Variants in ATP13A4 observed in about 807,000 individuals in gnomAD.
ATP13A4 encodes probable cation-transporting ATPase 13A4.
ATP13A4 carries 114 observed loss-of-function variants against 142.5 expected under a neutral mutation model. That is an observed-to-expected ratio of 0.80 (90% CI 0.69 to 0.93). ATP13A4 has a LOEUF of 0.93. ATP13A4 is among the 40% of genes least tolerant of loss of function. The probability of loss-of-function intolerance (pLI) is 0.00; values close to 1 mark genes in which losing one functional copy is unlikely to be tolerated. For missense variants in ATP13A4, 1,392 were observed against 1,454.0 expected, an observed-to-expected ratio of 0.96 and a Z score of 0.69; for synonymous variants, 488 against 514.8, an observed-to-expected ratio of 0.95 and a Z score of 0.70.
intron 21 of ATP13A4, 78 bp from the exon 22 acceptor site, chr3:193,439,143 C>G: frequency 7.2e-7 from 1 of 1,394,232 alleles, no homozygotes; most frequent in Non-Finnish European, 1.0e-6. Context: ...ACAAAGTAAC[C>G]ATCATTACTT....
Position 193,554,602 on chromosome 3 carries a change from G to A in ATP13A4, c.60+138C>T, listed in dbSNP as rs949939454. 1.0e-4 allele frequency: 114 copies of A among 1,089,600 alleles called. No individual in the cohort carries two copies. In the Admixed American group the frequency reaches 1.6e-3, roughly 15 times the overall value. The allele number at this position is 1,089,600 out of a possible 1,614,324, so 67.5% of individuals were successfully genotyped here. A position where few individuals can be genotyped will look rare whatever the true frequency, so the allele number is the denominator to read the frequency against. ...GATTTCTCAAACATGACCTTTTCTC[G>A]TGTAATACCAGAGTGAAATTTTAGA... On this transcript the variant is annotated intron_variant, in intron 1 of 29. Transcript: ENST00000342695.
At chr3:193,550,492 G>A (rs1157240720) in intron 1 of ATP13A4, among the ~76,000 whole-genome samples, 3 of 151,974 alleles carry the variant, frequency 2.0e-5, no homozygotes, top group African/African-American at 7.2e-5. Context: ...TATTTTTATA[G>A]ACAGGGTTTC....
At chr3:193,549,288 G>C (rs2108726631) in intron 1 of ATP13A4, among the ~76,000 whole-genome samples, 1 of 151,296 alleles carries the variant, frequency 6.6e-6, no homozygotes, top group East Asian at 1.9e-4. Flanking sequence ...TAAGTACAAA[G>C]TTGTTCATCA....
chr3:193,431,812 A>G (rs1385268933), intron 25 of ATP13A4, among the ~76,000 whole-genome samples: 1 of 151,730 alleles, frequency 6.6e-6, no homozygotes, highest in African/African-American at 2.4e-5. Context: ...ATATATATGT[A>G]TATTCAAACT....
chr3:193,455,100 A>G (rs1717514261), intron 16 of ATP13A4, among the ~76,000 whole-genome samples: 1 of 152,124 alleles, frequency 6.6e-6, no homozygotes, highest in Non-Finnish European at 1.5e-5. Flanking sequence ...GCACTTTGGG[A>G]GGCCGAGGTG....
At chr3:193,404,257 CCACACA>C in intron 29 of ATP13A4, 3 of 468,076 alleles carry the variant, frequency 6.4e-6, no homozygotes, top group Non-Finnish European at 8.3e-6. Flanking sequence ...ATAGATGAAA[CCACACA>C]CACACACACA....
chr3:193,539,535 C>T (rs914549047), intron 1 of ATP13A4, among the ~76,000 whole-genome samples: 1 of 152,192 alleles, frequency 6.6e-6, no homozygotes, highest in African/African-American at 2.4e-5. Flanking sequence ...CTCAAGAATC[C>T]ACCACCTCAC....
chr3:193,454,797 G>A (rs1717490122), intron 16 of ATP13A4, among the ~76,000 whole-genome samples: 1 of 152,108 alleles, frequency 6.6e-6, no homozygotes, highest in Non-Finnish European at 1.5e-5. Flanking sequence ...CTGGATATAG[G>A]CACAGGCAAA....
chr3:193,412,144 C>A (rs762695027), intron 27 of ATP13A4, 34 bp downstream of exon 27: 12 of 1,552,588 alleles, frequency 7.7e-6, no homozygotes, highest in African/African-American at 1.4e-5. Flanking sequence ...TCTCTGATGA[C>A]TTCTCACCTC....
chr3:193,552,441 G>A (rs2108729966), intron 1 of ATP13A4, among the ~76,000 whole-genome samples: 1 of 152,332 alleles, frequency 6.6e-6, no homozygotes, highest in South Asian at 2.1e-4. Context: ...TTCAAGTAAA[G>A]TATATTATAA....
intron 2 of ATP13A4, among the ~76,000 whole-genome samples, chr3:193,511,922 A>C (rs1721160723): frequency 1.3e-5 from 2 of 151,572 alleles, no homozygotes; most frequent in Non-Finnish European, 1.5e-5. Flanking sequence ...TTTTTAATTC[A>C]CTCTTAGTGG....
chr3:193,444,103 G>A (rs989879543), intron 18 of ATP13A4, among the ~76,000 whole-genome samples: 10 of 152,160 alleles, frequency 6.6e-5, no homozygotes, highest in Non-Finnish European at 1.5e-4. Flanking sequence ...TTCCAAACAA[G>A]ATAAACTTAG....
intron 9 of ATP13A4, 50 bp downstream of exon 9, chr3:193,470,809 G>C: frequency 6.2e-7 from 1 of 1,611,940 alleles, no homozygotes; most frequent in Non-Finnish European, 8.5e-7. Context: ...TAGCAGCGTG[G>C]AGTGTGGGCC....
intron 1 of ATP13A4, among the ~76,000 whole-genome samples, chr3:193,518,613 A>G (rs989710666): frequency 6.6e-6 from 1 of 152,190 alleles, no homozygotes; most frequent in Non-Finnish European, 1.5e-5. Context: ...TAAAGAACTA[A>G]TAAAGTAGCT....
intron 10 of ATP13A4, among the ~76,000 whole-genome samples, chr3:193,467,005 ATAACT>A (rs1486246897): frequency 1.3e-5 from 2 of 152,182 alleles, no homozygotes; most frequent in Non-Finnish European, 2.9e-5. Flanking sequence ...ATAGTCAATA[ATAACT>A]TAATTATATA....
intron 1 of ATP13A4, among the ~76,000 whole-genome samples, chr3:193,585,430 TAACAACAAC>T (rs368723108): frequency 4.6e-5 from 7 of 151,200 alleles, no homozygotes; most frequent in South Asian, 2.1e-4. Flanking sequence ...CAAAAGAAAA[TAACAACAAC>T]AACAACAACA....
chr3:193,541,896 T>G (rs747535423), intron 1 of ATP13A4, among the ~76,000 whole-genome samples: 76 of 152,214 alleles, frequency 5.0e-4, no homozygotes, highest in Non-Finnish European at 9.3e-4. Flanking sequence ...AAGTGGTACC[T>G]GGGGATGTGT....
rs760941986 is a variant in ATP13A4, at chr3:193,502,477, C to A, written c.381+16G>T. 1 of 1,612,326 alleles carries A rather than the reference C, an allele frequency of 6.2e-7. No homozygotes were observed. Among genetic ancestry groups the A allele is most frequent in the East Asian group, 2.2e-5 (1 of 44,850 alleles). The stretch of plus-strand genomic sequence containing the variant: ...TAAATCTCTCTGACATCAGCAGTAG[C>A]CATAAGTTTACTTACCTTTAGGTCT... On this transcript the variant is annotated intron_variant, in intron 3 of 29. Transcript: ENST00000342695.
In ATP13A4 at chr3:193,554,720, G is replaced by A. The variant is rs752558287; in HGVS notation, c.60+20C>T. The A allele has an allele frequency of 1.2e-6, 2 of 1,613,120 alleles. No individual in the cohort carries two copies. Among genetic ancestry groups the A allele is most frequent in the South Asian group, 1.1e-5 (1 of 91,020 alleles). ...GCTGAGAAGTGGGATGGGAAGAAGG[G>A]AATGTGGCTAGAATCTTACCATCTC... is the stretch of plus-strand genomic sequence containing the variant. On this transcript the variant is annotated intron_variant, in intron 1 of 29. Coordinates refer to ENST00000342695, the MANE Select transcript of ATP13A4 (RefSeq NM_032279.4).
Sources: allele counts gnomAD v4.1 joint callset (sites outside exome capture counted in the v4.1 genomes callset), GRCh38; gene constraint gnomAD v4.1.1; transcripts MANE v1.5; gene names NCBI Gene and HGNC (gene_info 2026-07-23, HGNC 2026-07-21).